Variants in TENM4 observed in about 807,000 individuals in gnomAD.
TENM4 encodes teneurin-4.
TENM4 carries 82 observed loss-of-function variants against 243.3 expected under a neutral mutation model. The ratio of observed to expected loss-of-function variants is 0.34; its 90% CI spans 0.28 to 0.40. TENM4 has a LOEUF of 0.40. Among genes scored for constraint, TENM4 ranks in the 10% least tolerant of loss-of-function variants. The pLI is 1.00. For synonymous variants in TENM4, 1,412 were observed against 1,456.3 expected (o/e 0.97, Z 0.69); for missense variants, 3,138 against 3,673.3 (o/e 0.85, Z 3.77).
intron 6 of TENM4, among the ~76,000 whole-genome samples, chr11:79,016,741 G>A (rs964555806): frequency 1.3e-5 from 2 of 152,230 alleles, no homozygotes; most frequent in African/African-American, 4.8e-5. Flanking sequence ...TTAATAGCAT[G>A]TGTGTGAGGA....
chr11:79,092,154 A>G (rs1012147590), intron 4 of TENM4, among the ~76,000 whole-genome samples: 1 of 152,022 alleles, frequency 6.6e-6, no homozygotes, highest in African/African-American at 2.4e-5. Context: ...CCTCCATTCC[A>G]ACTCCATCTC....
Position 79,304,504 on chromosome 11 carries a change from G to A in TENM4, c.-320-6961C>T, listed in dbSNP as rs556701493. Among the ~76,000 whole-genome samples the A allele has an allele frequency of 2.6e-5, 4 of 152,254 alleles. No homozygotes were observed. The South Asian group carries it at 8.3e-4, about 32-fold the overall frequency. On this transcript the variant is annotated intron_variant, in intron 1 of 33. Transcript: ENST00000278550. ...ATCAGGCCTTGGATTTTTCCCCCTG[G>A]ACATCCACTGCTGATCAGGTCCTTG...
At chr11:79,149,010 C>T (rs960651137) in intron 3 of TENM4, among the ~76,000 whole-genome samples, 4 of 152,128 alleles carry the variant, frequency 2.6e-5, no homozygotes, top group Admixed American at 2.0e-4. Context: ...GCTACTAGCA[C>T]AGTGCCTGGC....
chr11:79,182,030 T>C (rs1484818938), intron 3 of TENM4, among the ~76,000 whole-genome samples: 1 of 152,090 alleles, frequency 6.6e-6, no homozygotes, highest in Non-Finnish European at 1.5e-5. Flanking sequence ...CAAATTTATC[T>C]ATAGACTCAA....
chr11:78,967,958 T>C (rs578096280), intron 6 of TENM4, among the ~76,000 whole-genome samples: 2 of 152,196 alleles, frequency 1.3e-5, no homozygotes, highest in Admixed American at 6.5e-5. Context: ...CCAAATCTCA[T>C]GTTGGAATGT....
intron 1 of TENM4, among the ~76,000 whole-genome samples, chr11:79,383,708 C>A (rs1165795959): frequency 6.6e-6 from 1 of 152,160 alleles, no homozygotes; most frequent in Admixed American, 6.5e-5. Flanking sequence ...CCACTCCCCA[C>A]TATATATACA....
chr11:79,232,141 A>T (rs1438798362), intron 2 of TENM4, among the ~76,000 whole-genome samples: 1 of 152,160 alleles, frequency 6.6e-6, no homozygotes, highest in African/African-American at 2.4e-5. Context: ...ATAAAACCCC[A>T]CTACTCCAAG....
At chr11:78,737,253 G>A (rs966400907) in intron 20 of TENM4, among the ~76,000 whole-genome samples, 10 of 152,206 alleles carry the variant, frequency 6.6e-5, no homozygotes, top group African/African-American at 9.6e-5. Flanking sequence ...TCTTCATGAG[G>A]GCCTTCCTGG....
At chr11:79,202,448 A>C (rs1180543798) in intron 3 of TENM4, among the ~76,000 whole-genome samples, 1 of 152,252 alleles carries the variant, frequency 6.6e-6, no homozygotes, top group East Asian at 1.9e-4. Flanking sequence ...GGTGGCATGA[A>C]AAATTTGGCT....
chr11:79,023,175 C>G (rs1335223834), intron 6 of TENM4, among the ~76,000 whole-genome samples: 2 of 152,132 alleles, frequency 1.3e-5, no homozygotes, highest in African/African-American at 2.4e-5. Flanking sequence ...ACCTATGATA[C>G]CTGCTAGACC....
chr11:78,746,733 G>A (rs527442916), intron 19 of TENM4, among the ~76,000 whole-genome samples: 25 of 152,302 alleles, frequency 1.6e-4, no homozygotes, highest in African/African-American at 2.6e-4. Flanking sequence ...AAATACCGTC[G>A]TTGTGCCTGG....
chr11:79,139,640 AT>A lies in TENM4; in HGVS notation c.-66+9069del, dbSNP rs1169569472. Among the ~76,000 whole-genome samples the A allele has an allele frequency of 2.1e-5, 2 of 94,976 alleles. 1 individual carries two copies. Among genetic ancestry groups the A allele is most frequent in the African/African-American group, 1.2e-4 (2 of 16,652 alleles). 62.3% of individuals were successfully genotyped at this position (94,976 alleles called of 152,430 possible). On this transcript the variant is annotated intron_variant, in intron 4 of 33. Coordinates refer to ENST00000278550, the MANE Select transcript of TENM4 (RefSeq NM_001098816.3). ...ATTTATATAAGTATATAAAATATAT[AT>A]TATATTTATATAAGTATATAAAATA...
intron 4 of TENM4, among the ~76,000 whole-genome samples, chr11:79,078,490 G>A (rs751135529): frequency 1.3e-5 from 2 of 152,262 alleles, no homozygotes; most frequent in South Asian, 4.1e-4. Context: ...ACCAAGTATT[G>A]TGTTGGGCTT....
At chr11:79,107,742 C>T (rs1861408319) in intron 4 of TENM4, among the ~76,000 whole-genome samples, 1 of 152,240 alleles carries the variant, frequency 6.6e-6, no homozygotes, top group Admixed American at 6.5e-5. Context: ...CTTGATGCCA[C>T]ACGCATTTAT....
At chr11:78,825,802 G>A (rs889752763) in intron 12 of TENM4, among the ~76,000 whole-genome samples, 19 of 152,194 alleles carry the variant, frequency 1.2e-4, no homozygotes, top group Non-Finnish European at 2.4e-4. Context: ...GTGACCGGCT[G>A]ATCATAATGC....
chr11:79,296,374 C>T (rs1007470068), intron 2 of TENM4, among the ~76,000 whole-genome samples: 1 of 152,198 alleles, frequency 6.6e-6, no homozygotes, highest in African/African-American at 2.4e-5. Context: ...CTCTGATATG[C>T]TAAATCCCAG....
intron 3 of TENM4, among the ~76,000 whole-genome samples, chr11:79,164,398 A>G (rs1426539870): frequency 1.5e-5 from 2 of 135,212 alleles, no homozygotes; most frequent in South Asian, 2.2e-4. Flanking sequence ...CTATATAGAT[A>G]TACTAGAATA....
chr11:79,207,667 C>G (rs1486749003), intron 3 of TENM4, among the ~76,000 whole-genome samples: 1 of 151,848 alleles, frequency 6.6e-6, no homozygotes, highest in Admixed American at 6.6e-5. Context: ...GAGGTTGAGA[C>G]CAGCCTGAGT....
At chr11:79,199,280 T>A (rs931873912) in intron 3 of TENM4, among the ~76,000 whole-genome samples, 1 of 152,222 alleles carries the variant, frequency 6.6e-6, no homozygotes, top group South Asian at 2.1e-4. Flanking sequence ...TTAAATTTGC[T>A]AATTCATGTA....
Sources: gnomAD v4.1 joint callset for allele counts (sites outside exome capture counted in the v4.1 genomes callset) on GRCh38, gnomAD v4.1.1 for gene constraint, MANE v1.5 for transcripts, NCBI Gene and HGNC (gene_info 2026-07-23, HGNC 2026-07-21) for gene names.